The following VPS13D variants were observed in gnomAD, a reference collection of about 807,000 sequenced individuals.
The protein encoded by VPS13D is vacuolar protein sorting 13 homolog D.
A neutral mutation model predicts 461.9 loss-of-function variants in VPS13D; 187 were observed. The observed-to-expected ratio is 0.40, with a 90% confidence interval of 0.36 to 0.46. The LOEUF is 0.46. VPS13D is among the 20% of genes least tolerant of loss of function. The probability of loss-of-function intolerance (pLI) is 0.60; values close to 1 mark genes in which losing one functional copy is unlikely to be tolerated. For missense variants in VPS13D, 4,711 were observed against 5,364.9 expected (o/e 0.88, Z 3.81); for synonymous variants, 1,951 against 1,986.3 (o/e 0.98, Z 0.47).
intron 20 of VPS13D, among the ~76,000 whole-genome samples, chr1:12,280,837 T>G (rs1394482311): frequency 6.6e-6 from 1 of 152,158 alleles, no homozygotes; most frequent in East Asian, 1.9e-4. Context: ...GTTGTTTTGA[T>G]GAAAATCTTA....
intron 67 of VPS13D, among the ~76,000 whole-genome samples, chr1:12,492,105 C>T (rs1188277495): frequency 6.6e-6 from 1 of 152,184 alleles, no homozygotes; most frequent in African/African-American, 2.4e-5. Context: ...AGACCCTGCC[C>T]AAGTAGCAGC....
chr1:12,357,247 G>T (rs1392670847), intron 49 of VPS13D, among the ~76,000 whole-genome samples: 1 of 152,202 alleles, frequency 6.6e-6, no homozygotes, highest in African/African-American at 2.4e-5. Context: ...AGTCTTCTGG[G>T]GTACCACACT....
chr1:12,309,889 A>G (rs1642684376), intron 27 of VPS13D, among the ~76,000 whole-genome samples: 2 of 151,516 alleles, frequency 1.3e-5, no homozygotes, highest in Admixed American at 1.3e-4. Context: ...TCACTTTTTT[A>G]GTTTCTTTCT....
intron 55 of VPS13D, among the ~76,000 whole-genome samples, chr1:12,376,643 T>G (rs953923872): frequency 2.0e-5 from 3 of 152,228 alleles, no homozygotes; most frequent in Non-Finnish European, 4.4e-5. Context: ...TCCTGGCATT[T>G]TGACTCCAAT....
chr1:12,343,895 A>G (rs556099396), intron 42 of VPS13D, among the ~76,000 whole-genome samples: 1 of 152,244 alleles, frequency 6.6e-6, no homozygotes, highest in Non-Finnish European at 1.5e-5. Flanking sequence ...TGTTGATTTC[A>G]ATTTTAATTT....
intron 60 of VPS13D, among the ~76,000 whole-genome samples, chr1:12,396,029 A>ATATATATAT (rs1553187933): frequency 4.2e-5 from 5 of 119,872 alleles, no homozygotes; most frequent in South Asian, 4.9e-4. Context: ...ATATATATAT[A>ATATATATAT]GTTCTTTAAG....
rs1454968248 is a variant in VPS13D, at chr1:12,276,198, T to C, written c.2610T>C (p.Tyr870=). 1 of 1,613,980 alleles carries C rather than the reference T, an allele frequency of 6.2e-7. No homozygotes were observed. Among genetic ancestry groups the C allele is most frequent in the Non-Finnish European group, 8.5e-7 (1 of 1,180,036 alleles). ...TGATTTATACTTCAGATCCCAAATA[T>C]CCAGGAGCCGTGCTCTCAGGCAACT... ...RRLIYTSDPK[Y]PGAVLSGNLP... Residue 870 remains tyrosine, a synonymous_variant, in exon 19 of 70, where the codon TAT becomes TAC. Coordinates refer to ENST00000620676, the MANE Select transcript of VPS13D (RefSeq NM_015378.4). The surrounding 1 kb of genome is among the most constrained non-coding windows in gnomAD (Gnocchi z 4.5).
chr1:12,345,660 A>G (rs994133075), intron 43 of VPS13D, 151 bp downstream of exon 43: 5 of 1,080,164 alleles, frequency 4.6e-6, no homozygotes, highest in Non-Finnish European at 5.1e-6. Flanking sequence ...TTGGTAATCA[A>G]TATGTAGATA....
chr1:12,500,044 C>T, intron 68 of VPS13D: 1 of 985,240 alleles, frequency 1.0e-6, no homozygotes. Context: ...CATTTTTTTC[C>T]AGTTAGGCTC....
intron 65 of VPS13D, among the ~76,000 whole-genome samples, chr1:12,432,302 A>G (rs921321382): frequency 6.6e-6 from 1 of 151,638 alleles, no homozygotes; most frequent in African/African-American, 2.4e-5. Flanking sequence ...CTGAGGCAGG[A>G]GAGTCGCTTG....
chr1:12,308,705 A>T (rs1429084280), intron 27 of VPS13D, 64 bp downstream of exon 27: 4 of 1,522,516 alleles, frequency 2.6e-6, no homozygotes, highest in African/African-American at 2.8e-5. Context: ...GGTGGAGTGC[A>T]GTGGCGCAAT....
rs763931577 is a variant in VPS13D, at chr1:12,266,991, C to G, written c.1705C>G (p.Leu569Val). 1 of 1,605,710 alleles carries G rather than the reference C, an allele frequency of 6.2e-7. No individual in the cohort carries two copies. Among genetic ancestry groups the G allele is most frequent in the South Asian group, 1.1e-5 (1 of 89,190 alleles). Residue 569 changes from leucine to valine, a missense_variant, in exon 14 of 70, where the codon CTT (leucine) becomes GTT (valine). Physicochemically the swap from Leu to Val is conservative, Grantham distance 32 (BLOSUM62 1). Transcript: ENST00000620676. ...GGCTACAGAAGGAACTATGTTTCCT[C>G]TTCTAGTCTTCCCTAATCCAGTATG... ...DLATEGTMFP[L>V]LVFPNPQKEV...
At chr1:12,280,385 C>A (rs1012091673) in intron 20 of VPS13D, among the ~76,000 whole-genome samples, 1 of 152,094 alleles carries the variant, frequency 6.6e-6, no homozygotes, top group Non-Finnish European at 1.5e-5. Flanking sequence ...GAGAACTACT[C>A]CAAAGCTTTC....
At chr1:12,459,242 A>ACACGTTTCAAATACTGTAAT (rs1645371215) in intron 66 of VPS13D, among the ~76,000 whole-genome samples, 1 of 152,232 alleles carries the variant, frequency 6.6e-6, no homozygotes, top group East Asian at 1.9e-4. Context: ...TATTGACTCC[A>ACACGTTTCAAATACTGTAAT]CACAAATGAA....
chr1:12,291,306 T>A (rs1470091778), intron 23 of VPS13D, among the ~76,000 whole-genome samples, 182 bp downstream of exon 23: 1 of 152,178 alleles, frequency 6.6e-6, no homozygotes, highest in Non-Finnish European at 1.5e-5. Flanking sequence ...GGATCTGTGT[T>A]GAAGTGGGCT....
In VPS13D at chr1:12,287,061, A is replaced by G. The variant is rs547025819; in HGVS notation, c.5635-1162A>G. Reference sequence around the variant, plus strand: ...TTTTTAGTAGAGACGGGGTTTCATCATGTTGGCCAGGCTGGTCTTGAACTC... The same window carrying G: ...TTTTTAGTAGAGACGGGGTTTCATCGTGTTGGCCAGGCTGGTCTTGAACTC... On this transcript the variant is annotated intron_variant, in intron 21 of 69. Coordinates refer to ENST00000620676, the MANE Select transcript of VPS13D (RefSeq NM_015378.4). Among the ~76,000 whole-genome samples, 3 of 152,148 alleles carry G rather than the reference A, an allele frequency of 2.0e-5. 1 individual carries two copies. Among genetic ancestry groups the G allele is most frequent in the Admixed American group, 6.5e-5 (1 of 15,288 alleles).
At chr1:12,290,533 T>C (rs555760154) in intron 22 of VPS13D, among the ~76,000 whole-genome samples, 23 of 152,054 alleles carry the variant, frequency 1.5e-4, no homozygotes, top group South Asian at 4.2e-4. Context: ...CCATCCTGGC[T>C]AACACGGTGA....
chr1:12,502,412 G>A lies in VPS13D; in HGVS notation c.12795-4441G>A, dbSNP rs1003221158. Among the ~76,000 whole-genome samples the A allele has an allele frequency of 1.3e-5, 2 of 152,142 alleles. No homozygotes were observed. The highest frequency in any genetic ancestry group is 4.8e-5 in the African/African-American group (2 of 41,450). On this transcript the variant is annotated intron_variant, in intron 68 of 69. Transcript: ENST00000620676. This position sits in a 1 kb window ranked among gnomAD's most constrained non-coding sequence, Gnocchi z 4.3. ...TTGATGAGGCTGGGGGTGCTGAAGA[G>A]CAAGGGTTGGAGAAGGAGCATCTCC...
chr1:12,460,547 T>C (rs1645396238), intron 67 of VPS13D, 151 bp downstream of exon 67: 3 of 740,850 alleles, frequency 4.0e-6, no homozygotes, highest in Non-Finnish European at 5.6e-6. Context: ...CTGCCTAATA[T>C]AAAAAGATGA....
Sources: gnomAD v4.1 joint callset for allele counts (sites outside exome capture counted in the v4.1 genomes callset) on GRCh38, gnomAD v4.1.1 for gene constraint, Gnocchi (gnomAD v3.1) non-coding constraint, MANE v1.5 for transcripts, NCBI Gene and HGNC (gene_info 2026-07-23, HGNC 2026-07-21) for gene names.